The following GRM3 variants were observed in gnomAD, a reference collection of about 807,000 sequenced individuals.
The protein encoded by GRM3 is metabotropic glutamate receptor 3.
GRM3 carries 26 observed loss-of-function variants against 70.5 expected under a neutral mutation model. The observed-to-expected ratio is 0.37, with a 90% CI of 0.27 to 0.51. The LOEUF is 0.51. Among genes scored for constraint, GRM3 ranks in the 20% least tolerant of loss-of-function variants. The pLI, the probability that GRM3 is intolerant of heterozygous loss-of-function variation, is 0.93. For synonymous variants in GRM3, 443 were observed against 434.9 expected (o/e 1.02, Z -0.23); for missense variants, 859 against 1,123.8 (o/e 0.76, Z 3.37).
chr7:86,758,775 TA>T (rs1256021852), intron 1 of GRM3, among the ~76,000 whole-genome samples: 1 of 152,144 alleles, frequency 6.6e-6, no homozygotes, highest in East Asian at 1.9e-4. Context: ...ATGTGATTTT[TA>T]TTTTTTAATT....
intron 1 of GRM3, among the ~76,000 whole-genome samples, chr7:86,753,436 GT>G (rs1796275917): frequency 6.6e-6 from 1 of 152,080 alleles, no homozygotes; most frequent in African/African-American, 2.4e-5. Flanking sequence ...CTTTCAAAAT[GT>G]TTTTTTAACA....
chr7:86,768,110 T>C (rs551732717), intron 2 of GRM3, among the ~76,000 whole-genome samples: 173 of 152,258 alleles, frequency 1.1e-3, no homozygotes, highest in Non-Finnish European at 2.2e-3. Flanking sequence ...TGAGTTTGAA[T>C]TCCAACTACA....
intron 2 of GRM3, among the ~76,000 whole-genome samples, chr7:86,767,517 A>T (rs1446575552): frequency 2.5e-3 from 3 of 1,192 alleles, no homozygotes; most frequent in East Asian, 6.5e-3. Context: ...CATACTTCAT[A>T]TATATATATA....
chr7:86,839,220 A>G lies in GRM3; in HGVS notation c.1706A>G (p.Tyr569Cys), dbSNP rs879257809. Residue 569 changes from tyrosine (Y) to cysteine (C), a missense_variant, in exon 4 of 6, where the codon TAC becomes TGC. Transcript: ENST00000361669. This position sits in a 1 kb window ranked among gnomAD's most constrained non-coding sequence, Gnocchi z 4.5. The stretch of plus-strand genomic sequence containing the variant: ...GGATGCTATGACCTTCCTGAGGACT[A>G]CATCAGGTGGGAAGACGCCTGGGCC... ...LTGCYDLPED[Y>C]IRWEDAWAIG... 1.6e-5 allele frequency: 26 copies of G among 1,613,264 alleles called. No homozygotes were observed. The highest frequency in any genetic ancestry group is 2.1e-5 in the Non-Finnish European group (25 of 1,179,274).
chr7:86,833,468 A>T (rs1357219911), intron 3 of GRM3, among the ~76,000 whole-genome samples: 1 of 152,214 alleles, frequency 6.6e-6, no homozygotes, highest in Non-Finnish European at 1.5e-5. Flanking sequence ...GTTTCAGTTC[A>T]CAGGGTTCTA....
chr7:86,840,513 G>C (rs1431648534), intron 4 of GRM3, among the ~76,000 whole-genome samples: 4 of 151,724 alleles, frequency 2.6e-5, no homozygotes, highest in Admixed American at 2.0e-4. Flanking sequence ...ACATATCCAG[G>C]TAACCTAATT....
intron 1 of GRM3, among the ~76,000 whole-genome samples, chr7:86,725,682 T>A (rs1039387398): frequency 6.6e-6 from 1 of 152,118 alleles, no homozygotes; most frequent in Non-Finnish European, 1.5e-5. Context: ...TCCTTTTGGA[T>A]GGAAAACTTT....
At chr7:86,758,205 C>T (rs1280298965) in intron 1 of GRM3, among the ~76,000 whole-genome samples, 1 of 152,144 alleles carries the variant, frequency 6.6e-6, no homozygotes, top group African/African-American at 2.4e-5. Flanking sequence ...CTGTATACAT[C>T]TAGGAAATTA....
At chr7:86,791,106 G>A (rs564020632) in intron 3 of GRM3, among the ~76,000 whole-genome samples, 1 of 152,140 alleles carries the variant, frequency 6.6e-6, no homozygotes, top group East Asian at 1.9e-4. Context: ...TTGAATAGCA[G>A]TTAACCCAAA....
At chr7:86,775,576 AAATT>A (rs1403565592) in intron 2 of GRM3, among the ~76,000 whole-genome samples, 5 of 152,204 alleles carry the variant, frequency 3.3e-5, no homozygotes, top group East Asian at 1.9e-4. Flanking sequence ...TAATAAAAAA[AAATT>A]AATAGCTTTT....
At chr7:86,813,379 G>T (rs1797951865) in intron 3 of GRM3, among the ~76,000 whole-genome samples, 1 of 151,802 alleles carries the variant, frequency 6.6e-6, no homozygotes, top group Non-Finnish European at 1.5e-5. Context: ...TCTGTTTAGA[G>T]TCCAGTCAAG....
At chr7:86,847,582 C>T (rs1301669255) in intron 4 of GRM3, among the ~76,000 whole-genome samples, 1 of 152,076 alleles carries the variant, frequency 6.6e-6, no homozygotes, top group Non-Finnish European at 1.5e-5. Context: ...GAAAGAGAGT[C>T]CACAACTAAG....
intron 2 of GRM3, among the ~76,000 whole-genome samples, chr7:86,780,686 C>A (rs1027269055): frequency 2.0e-5 from 3 of 152,184 alleles, no homozygotes; most frequent in Non-Finnish European, 4.4e-5. Flanking sequence ...AAATCTGACT[C>A]TGATATTTAT....
At chr7:86,719,614 TGGAA>T (rs1454804659) in intron 1 of GRM3, among the ~76,000 whole-genome samples, 1 of 151,980 alleles carries the variant, frequency 6.6e-6, no homozygotes, top group African/African-American at 2.4e-5. Context: ...AAATCAATTG[TGGAA>T]GGAAGGAAGA....
At chr7:86,850,585 T>C (rs765751819) in intron 5 of GRM3, 41 bp downstream of exon 5, 9 of 1,365,592 alleles carry the variant, frequency 6.6e-6, no homozygotes, top group Non-Finnish European at 8.4e-6. Flanking sequence ...ATACATAGCA[T>C]TGTAGTCAGG....
intron 3 of GRM3, among the ~76,000 whole-genome samples, chr7:86,828,705 A>C (rs1286997525): frequency 6.6e-6 from 1 of 152,174 alleles, no homozygotes; most frequent in Non-Finnish European, 1.5e-5. Context: ...CTGACTGATT[A>C]GGGTGGTGGT....
intron 4 of GRM3, among the ~76,000 whole-genome samples, chr7:86,848,554 A>G (rs6957842): frequency 6.6e-6 from 1 of 151,342 alleles, no homozygotes; most frequent in Non-Finnish European, 1.5e-5. Context: ...TGACTGGGAG[A>G]TCTCTATTTT....
chr7:86,832,465 G>A lies in GRM3; in HGVS notation c.1325-6374G>A, dbSNP rs149097071. On this transcript the variant is annotated intron_variant, in intron 3 of 5. Transcript: ENST00000361669. ...GGGGCTTCACCATTTTGTCCAGGCT[G>A]GTCTTGAACTCCTGACCTCAGATGA... 1.4e-3 allele frequency among the ~76,000 whole-genome samples: 216 copies of A among 152,048 alleles called. 1 individual carries two copies. The highest frequency in any genetic ancestry group is 5.0e-3 in the African/African-American group (207 of 41,472).
chr7:86,652,476 G>A (rs1313197833), intron 1 of GRM3, among the ~76,000 whole-genome samples: 3 of 151,908 alleles, frequency 2.0e-5, no homozygotes, highest in Admixed American at 6.6e-5. Flanking sequence ...GATTACAGCC[G>A]CCCGCCACCA....
Sources: gnomAD v4.1 joint callset for allele counts (sites outside exome capture counted in the v4.1 genomes callset) on GRCh38, gnomAD v4.1.1 for gene constraint, Gnocchi (gnomAD v3.1) non-coding constraint, MANE v1.5 for transcripts, NCBI Gene and HGNC (gene_info 2026-07-23, HGNC 2026-07-21) for gene names.